The following DRAM2 variants were observed in gnomAD, a reference collection of about 807,000 sequenced individuals.
DRAM2 encodes the protein DNA damage regulated autophagy modulator 2.
Under a neutral mutation model 33.5 loss-of-function variants are expected in DRAM2, and 26 were observed. The ratio of observed to expected loss-of-function variants is 0.78; its 90% confidence interval spans 0.57 to 1.08. The LOEUF is 1.08. Among genes scored for constraint, DRAM2 ranks in the 50% least tolerant of loss-of-function variants. DRAM2 has a pLI of 0.00. For missense variants in DRAM2, 311 were observed against 318.1 expected, an observed-to-expected ratio of 0.98 and a Z score of 0.17; for synonymous variants, 98 against 109.5, an observed-to-expected ratio of 0.89 and a Z score of 0.66.
rs368751945 is a variant in DRAM2 at position 111,118,124 on chromosome 1, G to T, written c.*36C>A. 1.3e-6 allele frequency: 2 copies of T among 1,590,628 alleles called. No homozygotes were observed. The highest frequency in any genetic ancestry group is 1.7e-6 in the Non-Finnish European group (2 of 1,159,450). ...CTGTGAACCTTTCCCCAATCCCTGA[G>T]AATCATAATCATTACAGAAATATTT... On this transcript the variant is annotated 3_prime_UTR_variant, in exon 10 of 10. Transcript: ENST00000484310.
At chr1:111,139,186 G>C (rs1478604907) in intron 2 of DRAM2, 1 of 152,194 alleles carries the variant, frequency 6.6e-6, no homozygotes, top group African/African-American at 2.4e-5. Context: ...TAAGAGAAAT[G>C]AGGACAATCC....
At chr1:111,120,024 G>T in intron 7 of DRAM2, 65 bp from the exon 8 acceptor site, 1 of 1,376,140 alleles carries the variant, frequency 7.3e-7, no homozygotes, top group Non-Finnish European at 1.0e-6. Context: ...TCACTTTACA[G>T]TCTAAAAGGA....
intron 1 of DRAM2, 120 bp downstream of exon 1, chr1:111,139,918 A>T (rs913962489): frequency 3.5e-4 from 53 of 152,442 alleles, no homozygotes; most frequent in African/African-American, 1.2e-3. Context: ...GACGCGGGTA[A>T]GGGGGCTCCA....
At position 111,139,575 on chromosome 1, in the gene DRAM2, T is replaced by TGTTGAA. The variant is rs1654096764; in HGVS notation, c.-154_-153insTTCAAC. 1 of 152,304 alleles carries TGTTGAA rather than the reference T, an allele frequency of 6.6e-6. No individual in the cohort carries two copies. Among genetic ancestry groups the TGTTGAA allele is most frequent in the Non-Finnish European group, 1.5e-5 (1 of 68,092 alleles). The allele number at this position is 152,304 out of a possible 1,614,324, so 9.4% of individuals were successfully genotyped here. A position where few individuals can be genotyped will look rare whatever the true frequency, so the allele number is the denominator to read the frequency against. On this transcript the variant is annotated 5_prime_UTR_variant, in exon 2 of 10. Transcript: ENST00000484310. ...GAAAGGGTTGAAGATTCTTGGTAACTGCTTCAACAAACCAGAGGAATTAAT... is the reference window on the plus strand; with the variant it reads ...GAAAGGGTTGAAGATTCTTGGTAACTGTTGAAGCTTCAACAAACCAGAGGAATTAAT...
rs201139314 is a variant in DRAM2, at chr1:111,124,818, A to G, written c.263T>C (p.Ile88Thr). 2 of 1,613,602 alleles carry G rather than the reference A, an allele frequency of 1.2e-6. No individual in the cohort carries two copies. The highest frequency in any genetic ancestry group is 1.7e-6 in the Non-Finnish European group (2 of 1,179,726). ...VHALSPEENV[I>T]IKLNKAGLVL... Reference sequence around the variant, plus strand: ...AAGGCCAGCCTTGTTTAATTTGATGATAACGTTCTCTTCAGGACTCAGAGC... The same window carrying G: ...AAGGCCAGCCTTGTTTAATTTGATGGTAACGTTCTCTTCAGGACTCAGAGC... Residue 88 changes from isoleucine (I) to threonine (T), a missense_variant, in exon 6 of 10, where the codon ATC (isoleucine) becomes ACC (threonine). Ile to Thr is a moderately conservative substitution (Grantham distance 89, BLOSUM62 -1). Transcript: ENST00000484310.
At chr1:111,136,310 T>C (rs1029833908) in intron 3 of DRAM2, among the ~76,000 whole-genome samples, 1 of 152,200 alleles carries the variant, frequency 6.6e-6, no homozygotes, top group African/African-American at 2.4e-5. Context: ...CTCAGGCCTG[T>C]AATCCAGCAC....
chr1:111,138,902 T>C (rs1653886712), intron 2 of DRAM2, among the ~76,000 whole-genome samples: 1 of 152,240 alleles, frequency 6.6e-6, no homozygotes, highest in Admixed American at 6.5e-5. Context: ...ATACCCGTGG[T>C]AATAAAATGA....
chr1:111,124,813 T>C lies in DRAM2; in HGVS notation c.268A>G (p.Lys90Glu). The change falls in exon 6 of 10, where the codon AAA (lysine) becomes GAA (glutamate). Residue 90 changes from lysine (K) to glutamate (E), a missense_variant. Physicochemically the swap from Lys to Glu is moderately conservative, Grantham distance 56. Transcript: ENST00000484310. ...AGTACAAGGCCAGCCTTGTTTAATTTGATGATAACGTTCTCTTCAGGACTC... is the reference window on the plus strand; with the variant it reads ...AGTACAAGGCCAGCCTTGTTTAATTCGATGATAACGTTCTCTTCAGGACTC... ...ALSPEENVII[K>E]LNKAGLVLGI... 1 of 1,613,594 alleles carries C rather than the reference T, an allele frequency of 6.2e-7. No individual in the cohort carries two copies. Among genetic ancestry groups the C allele is most frequent in the Non-Finnish European group, 8.5e-7 (1 of 1,179,736 alleles).
intron 4 of DRAM2, 110 bp downstream of exon 4, chr1:111,131,314 T>C (rs181748529): frequency 8.3e-7 from 1 of 1,206,536 alleles, no homozygotes; most frequent in East Asian, 2.4e-5. Flanking sequence ...ATTGTTGTAA[T>C]GCCAATGTAA....
intron 2 of DRAM2, among the ~76,000 whole-genome samples, chr1:111,137,927 A>G (rs993777651): frequency 5.9e-5 from 9 of 152,248 alleles, no homozygotes; most frequent in African/African-American, 1.9e-4. Context: ...AGCAAAATAA[A>G]GCAATTGCAA....
intron 3 of DRAM2, among the ~76,000 whole-genome samples, chr1:111,136,877 G>A (rs529541508): frequency 6.6e-6 from 1 of 151,984 alleles, no homozygotes; most frequent in Non-Finnish European, 1.5e-5. Context: ...GGGAGGCTGA[G>A]GCAGAAGAAT....
intron 5 of DRAM2, chr1:111,125,285 A>G (rs1212364750): frequency 6.5e-6 from 1 of 154,918 alleles, no homozygotes; most frequent in East Asian, 1.9e-4. Flanking sequence ...ACAAACAGTT[A>G]TATAAAACAC....
intron 3 of DRAM2, among the ~76,000 whole-genome samples, chr1:111,135,291 C>A (rs1216568148): frequency 6.6e-6 from 1 of 152,194 alleles, no homozygotes; most frequent in Non-Finnish European, 1.5e-5. Flanking sequence ...GAAGCATGTG[C>A]CTGGGAGGTT....
At chr1:111,125,327 C>A (rs890207575) in intron 5 of DRAM2, 1 of 153,288 alleles carries the variant, frequency 6.5e-6, no homozygotes, top group African/African-American at 2.4e-5. Flanking sequence ...TCAGAATCAG[C>A]ACTAGTTATA....
intron 2 of DRAM2, among the ~76,000 whole-genome samples, 180 bp from the exon 3 acceptor site, chr1:111,137,766 CA>C (rs1653540924): frequency 6.9e-6 from 1 of 144,090 alleles, no homozygotes; most frequent in South Asian, 2.4e-4. Context: ...GATGTTGTAC[CA>C]TCTGGAATTA....
At chr1:111,133,560 T>C (rs866908496) in intron 3 of DRAM2, among the ~76,000 whole-genome samples, 3 of 152,328 alleles carry the variant, frequency 2.0e-5, no homozygotes, top group African/African-American at 7.2e-5. Flanking sequence ...ATCTCATCAT[T>C]ACAAAAGCAA....
At chr1:111,126,393 T>C (rs1557891061) in intron 4 of DRAM2, 99 bp from the exon 5 acceptor site, 2 of 683,442 alleles carry the variant, frequency 2.9e-6, no homozygotes, top group African/African-American at 1.8e-5. Flanking sequence ...TCAAACCTCT[T>C]ATCTTTTATA....
At position 111,136,577 on chromosome 1, in the gene DRAM2, T is replaced by TC. The variant is rs992433308; in HGVS notation, c.-15+945dup. The stretch of plus-strand genomic sequence containing the variant: ...TCCAGCCTGGGCAACAGAGCAAGAC[T>TC]CCATCTCAAAAACAAAAAAACAAAA... On this transcript the variant is annotated intron_variant, in intron 3 of 9. Coordinates refer to ENST00000484310, the MANE Select transcript of DRAM2 (RefSeq NM_001349884.2). Among the ~76,000 whole-genome samples, 7 of 147,298 alleles carry TC rather than the reference T, an allele frequency of 4.8e-5. 1 individual carries two copies. The highest frequency in any genetic ancestry group is 1.5e-4 in the African/African-American group (6 of 39,850).
At chr1:111,128,197 T>A (rs1227387065) in intron 4 of DRAM2, among the ~76,000 whole-genome samples, 1 of 148,310 alleles carries the variant, frequency 6.7e-6, no homozygotes, top group Admixed American at 6.9e-5. Flanking sequence ...CAGCTAAACC[T>A]TTTGGATAGG....
Sources: allele counts gnomAD v4.1 joint callset (sites outside exome capture counted in the v4.1 genomes callset), GRCh38; gene constraint gnomAD v4.1.1; transcripts MANE v1.5; gene names NCBI Gene and HGNC (gene_info 2026-07-23, HGNC 2026-07-21).